SLX4IP: variants seen among roughly 807,000 people sequenced by gnomAD.
SLX4IP encodes the protein protein SLX4IP.
Under a neutral mutation model 32.9 loss-of-function variants are expected in SLX4IP, and 34 were observed. The ratio of observed to expected loss-of-function variants is 1.03; its 90% confidence interval spans 0.79 to 1.38. The LOEUF is 1.38. Among genes scored for constraint, SLX4IP ranks in the 40% most tolerant of loss-of-function variants. The pLI is 0.00. For missense variants in SLX4IP, 444 were observed against 479.0 expected, an observed-to-expected ratio of 0.93 and a Z score of 0.68; for synonymous variants, 172 against 171.7, an observed-to-expected ratio of 1.00 and a Z score of -0.01.
intron 6 of SLX4IP, among the ~76,000 whole-genome samples, chr20:10,617,767 G>A (rs2067055800): frequency 6.7e-6 from 1 of 148,850 alleles, no homozygotes; most frequent in Non-Finnish European, 1.5e-5. Flanking sequence ...TCCCACCTCA[G>A]CCTGCTGAGT....
In SLX4IP at chr20:10,558,114, C is replaced by T. The variant is rs148828092; in HGVS notation, c.117+1794C>T. 3.9e-3 allele frequency among the ~76,000 whole-genome samples: 588 copies of T among 152,190 alleles called. 7 individuals are homozygous for T. Among genetic ancestry groups the T allele is most frequent in the African/African-American group, 0.013 (553 of 41,508 alleles). On this transcript the variant is annotated intron_variant, in intron 3 of 7. Transcript: ENST00000334534. ...CAGCACTTTGGGAGCCCAAGGCAGG[C>T]GGATTGCCTGAGTCTAGGAGTTCAA...
intron 2 of SLX4IP, among the ~76,000 whole-genome samples, chr20:10,533,533 G>A (rs1217039776): frequency 5.3e-5 from 8 of 151,352 alleles, no homozygotes; most frequent in Admixed American, 3.3e-4. Flanking sequence ...GGTGAGGCTG[G>A]TCTCAAACTC....
At chr20:10,561,304 T>C (rs1200956976) in intron 4 of SLX4IP, among the ~76,000 whole-genome samples, 1 of 152,066 alleles carries the variant, frequency 6.6e-6, no homozygotes, top group African/African-American at 2.4e-5. Flanking sequence ...ATTTACCCTA[T>C]AGTGCTATAG....
At chr20:10,596,256 G>C (rs1878987781) in intron 4 of SLX4IP, among the ~76,000 whole-genome samples, 1 of 151,922 alleles carries the variant, frequency 6.6e-6, no homozygotes, top group African/African-American at 2.4e-5. Context: ...ATGGGGTCTT[G>C]CTTTGTCGCC....
chr20:10,540,139 C>CCTTCCTTCCTTT (rs1349189990), intron 2 of SLX4IP, among the ~76,000 whole-genome samples: 2 of 148,220 alleles, frequency 1.3e-5, no homozygotes, highest in South Asian at 2.2e-4. Flanking sequence ...TTCCTTCCTT[C>CCTTCCTTCCTTT]CTTCTTTCCT....
chr20:10,540,096 T>TTCCTTTCCTTCCTTCCTTTCC (rs1380282080), intron 2 of SLX4IP, among the ~76,000 whole-genome samples: 51 of 111,806 alleles, frequency 4.6e-4, no homozygotes, highest in African/African-American at 1.6e-3. Context: ...CCTTCCTTCC[T>TTCCTTTCCTTCCTTCCTTTCC]TTCCTTCCTT....
At chr20:10,482,300 T>C (rs1048882429) in intron 2 of SLX4IP, among the ~76,000 whole-genome samples, 17 of 152,232 alleles carry the variant, frequency 1.1e-4, no homozygotes, top group Admixed American at 1.3e-4. Context: ...TTTTGCATTG[T>C]GCTTTTGGTA....
chr20:10,544,727 G>T (rs182538605), intron 2 of SLX4IP, among the ~76,000 whole-genome samples: 1 of 152,004 alleles, frequency 6.6e-6, no homozygotes, highest in East Asian at 1.9e-4. Flanking sequence ...TTACACTAAA[G>T]GAATTATTTT....
intron 6 of SLX4IP, among the ~76,000 whole-genome samples, chr20:10,606,229 T>C (rs2122554688): frequency 6.6e-6 from 1 of 152,340 alleles, no homozygotes; most frequent in South Asian, 2.1e-4. Context: ...TTAAGAAAGA[T>C]GTAAATAGAA....
At chr20:10,597,866 C>G (rs906121646) in intron 4 of SLX4IP, among the ~76,000 whole-genome samples, 3 of 152,178 alleles carry the variant, frequency 2.0e-5, no homozygotes, top group Non-Finnish European at 4.4e-5. Context: ...TGCTCTGTCT[C>G]TTTCACTTAG....
intron 4 of SLX4IP, among the ~76,000 whole-genome samples, chr20:10,584,000 A>T (rs1216006331): frequency 6.6e-6 from 1 of 152,192 alleles, no homozygotes; most frequent in Admixed American, 6.5e-5. Flanking sequence ...TAGCACCTTA[A>T]TTAAGATGGT....
chr20:10,479,647 C>T (rs565488359), intron 2 of SLX4IP, among the ~76,000 whole-genome samples: 1 of 92,480 alleles, frequency 1.1e-5, no homozygotes, highest in Admixed American at 1.1e-4. Context: ...CGTCCCGGCT[C>T]GAATTGCATA....
intron 1 of SLX4IP, 108 bp from the exon 2 acceptor site, chr20:10,458,068 C>CATAAATA: frequency 1.6e-6 from 1 of 615,276 alleles, no homozygotes. Flanking sequence ...ACATTCATCT[C>CATAAATA]ATAAATACCT....
Position 10,621,551 on chromosome 20 carries a change from C to G in SLX4IP, c.506+137C>G, listed in dbSNP as rs2067112629. The G allele has an allele frequency of 1.7e-5, 12 of 709,906 alleles. No homozygotes were observed. The South Asian group carries it at 1.8e-4, about 11-fold the overall frequency. 44.0% of individuals were successfully genotyped at this position (709,906 alleles called of 1,614,324 possible). A position where few individuals can be genotyped will look rare whatever the true frequency, so the allele number is the denominator to read the frequency against. On this transcript the variant is annotated intron_variant, in intron 7 of 7. Coordinates refer to ENST00000334534, the MANE Select transcript of SLX4IP (RefSeq NM_001009608.3). ...CCGTCACGTACTTACTCTCCCCTCC[C>G]TCCTGACTCTCTTGCTTTCTGGACA... is the stretch of plus-strand genomic sequence containing the variant.
rs986946283 is a variant in SLX4IP, at chr20:10,458,103, T to C, written c.-29-73T>C. On this transcript the variant is annotated intron_variant, in intron 1 of 7. Coordinates refer to ENST00000334534, the MANE Select transcript of SLX4IP (RefSeq NM_001009608.3). Reference sequence around the variant, plus strand: ...TATTGATATTTTACTATTCAGCCCATCTTTTTCCTGTATAATATCCAAATA... The same window carrying C: ...TATTGATATTTTACTATTCAGCCCACCTTTTTCCTGTATAATATCCAAATA... 5 of 944,168 alleles carry C rather than the reference T, an allele frequency of 5.3e-6. No individual in the cohort carries two copies. The African/African-American group carries it at 6.9e-5, about 13-fold the overall frequency. 58.5% of individuals were successfully genotyped at this position (944,168 alleles called of 1,614,324 possible).
chr20:10,546,066 G>T (rs2066159275), intron 2 of SLX4IP, among the ~76,000 whole-genome samples: 1 of 152,178 alleles, frequency 6.6e-6, no homozygotes, highest in African/African-American at 2.4e-5. Context: ...AGATCAAGTA[G>T]TGGACAAAAT....
At chr20:10,479,454 G>T (rs1908326806) in intron 2 of SLX4IP, among the ~76,000 whole-genome samples, 1 of 149,724 alleles carries the variant, frequency 6.7e-6, no homozygotes, top group Middle Eastern at 3.5e-3. Flanking sequence ...CTGGGTTCAA[G>T]CAATTCTTCT....
At chr20:10,573,332 C>G in intron 4 of SLX4IP, among the ~76,000 whole-genome samples, 1 of 152,238 alleles carries the variant, frequency 6.6e-6, no homozygotes, top group East Asian at 1.9e-4. Context: ...CATCCATAGA[C>G]TTCCCTTCAG....
At chr20:10,496,736 A>G (rs370051383) in intron 2 of SLX4IP, among the ~76,000 whole-genome samples, 1 of 152,004 alleles carries the variant, frequency 6.6e-6, no homozygotes, top group East Asian at 1.9e-4. Context: ...TGGGAGTAGC[A>G]CCCAAGGGGC....
Sources: gnomAD v4.1 joint callset for allele counts (sites outside exome capture counted in the v4.1 genomes callset) on GRCh38, gnomAD v4.1.1 for gene constraint, MANE v1.5 for transcripts, NCBI Gene and HGNC (gene_info 2026-07-23, HGNC 2026-07-21) for gene names.